TCF4: variants seen among roughly 807,000 people sequenced by gnomAD.
TCF4 encodes the protein SL3-3 enhancer factor 2.
TCF4 carries 3 observed loss-of-function variants against 82.1 expected under a neutral mutation model. The observed-to-expected ratio is 0.04, with a 90% confidence interval of 0.02 to 0.09. The LOEUF is 0.09. Among genes scored for constraint, TCF4 ranks in the 10% least tolerant of loss-of-function variants. The probability of loss-of-function intolerance (pLI) is 1.00; values close to 1 mark genes in which losing one functional copy is unlikely to be tolerated. For synonymous variants in TCF4, 276 were observed against 309.6 expected, an observed-to-expected ratio of 0.89 and a Z score of 1.14; for missense variants, 518 against 852.7, an observed-to-expected ratio of 0.61 and a Z score of 4.89.
chr18:55,531,077 G>A (rs376363912), intron 3 of TCF4, among the ~76,000 whole-genome samples: 24 of 151,992 alleles, frequency 1.6e-4, no homozygotes, highest in East Asian at 5.8e-4. Context: ...TCAGCCTCTC[G>A]AGTAGCTGGG....
chr18:55,557,583 A>G (rs2097315731), intron 3 of TCF4, among the ~76,000 whole-genome samples: 1 of 152,314 alleles, frequency 6.6e-6, no homozygotes, highest in East Asian at 1.9e-4. Flanking sequence ...AAAGAAAAAA[A>G]TGTTCATAGC....
At chr18:55,564,724 A>G (rs1327359431) in intron 3 of TCF4, among the ~76,000 whole-genome samples, 1 of 152,214 alleles carries the variant, frequency 6.6e-6, no homozygotes, top group Non-Finnish European at 1.5e-5. Context: ...GGAGCAATAT[A>G]TACGTGAGCT....
At chr18:55,330,265 C>T (rs1452447390) in intron 8 of TCF4, among the ~76,000 whole-genome samples, 1 of 147,506 alleles carries the variant, frequency 6.8e-6, no homozygotes, top group Non-Finnish European at 1.5e-5. Context: ...ACTGCAACCT[C>T]TACCTCCCGG....
intron 6 of TCF4, chr18:55,401,421 G>C (rs1429756315): frequency 1.3e-5 from 14 of 1,061,352 alleles, no homozygotes; most frequent in East Asian, 7.8e-5. Context: ...ACATTACGAA[G>C]GCTTTTTAAG....
At chr18:55,337,550 A>T (rs2078914486) in intron 8 of TCF4, among the ~76,000 whole-genome samples, 1 of 152,202 alleles carries the variant, frequency 6.6e-6, no homozygotes, top group Admixed American at 6.5e-5. Flanking sequence ...TGGCTAACCA[A>T]AAAGCAACAA....
chr18:55,503,858 T>C (rs897747797), intron 3 of TCF4, among the ~76,000 whole-genome samples: 2 of 152,134 alleles, frequency 1.3e-5, no homozygotes, highest in Non-Finnish European at 2.9e-5. Flanking sequence ...ACGGATCACT[T>C]GAGGCCAGGA....
At chr18:55,229,390 T>G in intron 17 of TCF4, 1 of 416,898 alleles carries the variant, frequency 2.4e-6, no homozygotes, top group Non-Finnish European at 4.5e-6. Context: ...GCTTTTTTTA[T>G]TCAATGGGGT....
At chr18:55,557,307 G>A (rs2097313560) in intron 3 of TCF4, among the ~76,000 whole-genome samples, 1 of 151,986 alleles carries the variant, frequency 6.6e-6, no homozygotes, top group Non-Finnish European at 1.5e-5. Flanking sequence ...GAGCAGTAGT[G>A]TACACCTGTA....
At chr18:55,498,229 A>G (rs2096659186) in intron 3 of TCF4, among the ~76,000 whole-genome samples, 1 of 152,200 alleles carries the variant, frequency 6.6e-6, no homozygotes, top group African/African-American at 2.4e-5. Flanking sequence ...CAAGTACAGC[A>G]CCTGGGGGCA....
At chr18:55,432,255 A>G (rs1201644755) in intron 5 of TCF4, among the ~76,000 whole-genome samples, 1 of 152,194 alleles carries the variant, frequency 6.6e-6, no homozygotes, top group Non-Finnish European at 1.5e-5. Context: ...GTGGGCCAAG[A>G]TCATGCCACT....
chr18:55,355,019 T>C (rs1397674623), intron 6 of TCF4, among the ~76,000 whole-genome samples: 4 of 152,192 alleles, frequency 2.6e-5, no homozygotes, highest in Non-Finnish European at 4.4e-5. Flanking sequence ...TTCTGAACTA[T>C]TGCCAAATGC....
At chr18:55,365,351 G>A (rs1483827552) in intron 6 of TCF4, among the ~76,000 whole-genome samples, 1 of 150,316 alleles carries the variant, frequency 6.7e-6, no homozygotes, top group Non-Finnish European at 1.5e-5. Flanking sequence ...TTTCTGTTAA[G>A]GCTTACTTCC....
intron 8 of TCF4, chr18:55,321,441 A>G (rs1185876248): frequency 1.4e-5 from 9 of 654,564 alleles, no homozygotes; most frequent in Non-Finnish European, 2.4e-5. Flanking sequence ...TAAAGCTCTG[A>G]AAGCATCTAT....
intron 5 of TCF4, among the ~76,000 whole-genome samples, chr18:55,413,714 G>C (rs2094435667): frequency 6.6e-6 from 1 of 151,900 alleles, no homozygotes; most frequent in African/African-American, 2.4e-5. Flanking sequence ...AGGATGAGAG[G>C]GAGGAAAAAG....
intron 6 of TCF4, chr18:55,351,763 T>C (rs965496003): frequency 2.6e-5 from 18 of 697,608 alleles, no homozygotes; most frequent in Non-Finnish European, 3.0e-5. Context: ...TTATATAATA[T>C]TACATTTTCT....
chr18:55,598,589 G>T (rs547099552), intron 2 of TCF4, among the ~76,000 whole-genome samples: 1 of 152,300 alleles, frequency 6.6e-6, no homozygotes, highest in East Asian at 1.9e-4. Context: ...AAAAGAAACT[G>T]AAGGCAGAGA....
intron 6 of TCF4, 47 bp from the exon 7 acceptor site, chr18:55,351,050 CT>C: frequency 6.2e-7 from 1 of 1,610,160 alleles, no homozygotes; most frequent in Non-Finnish European, 8.5e-7. Flanking sequence ...TAATTTTTTA[CT>C]TTCACCACCT....
At chr18:55,340,803 T>C (rs1214825722) in intron 8 of TCF4, among the ~76,000 whole-genome samples, 1 of 152,188 alleles carries the variant, frequency 6.6e-6, no homozygotes, top group African/African-American at 2.4e-5. Flanking sequence ...CTTTTTATTA[T>C]GTGTAACAAT....
chr18:55,361,827 G>A (rs2085271774), intron 6 of TCF4, among the ~76,000 whole-genome samples: 1 of 152,188 alleles, frequency 6.6e-6, no homozygotes, highest in African/African-American at 2.4e-5. Context: ...TGTTGGCTAT[G>A]CAACTTATTT....
Sources: gnomAD v4.1 joint callset for allele counts (sites outside exome capture counted in the v4.1 genomes callset) on GRCh38, gnomAD v4.1.1 for gene constraint, MANE v1.5 for transcripts, NCBI Gene and HGNC (gene_info 2026-07-23, HGNC 2026-07-21) for gene names.